Variants in FLT3 observed in about 807,000 individuals in gnomAD.
FLT3 encodes the protein receptor-type tyrosine-protein kinase FLT3.
In FLT3, 46 loss-of-function variants were observed where a neutral mutation model predicts 126.6. The observed-to-expected ratio is 0.36, with a 90% CI of 0.29 to 0.46. The LOEUF (loss-of-function observed/expected upper bound fraction) is 0.46, where lower values mean the gene tolerates loss of function less well. Ranked by LOEUF, FLT3 falls within the 20% of genes least tolerant of loss-of-function variation. FLT3 has a pLI of 1.00. For missense variants in FLT3, 1,069 were observed against 1,190.3 expected (o/e 0.90, Z 1.50); for synonymous variants, 404 against 434.4 (o/e 0.93, Z 0.87).
chr13:28,018,397 A>T (rs1872074279), intron 20 of FLT3, 70 bp downstream of exon 20: 1 of 1,555,240 alleles, frequency 6.4e-7, no homozygotes, highest in East Asian at 2.3e-5. Context: ...CAGTGAGTGC[A>T]GTTGTTTACC....
chr13:28,030,195 T>C (rs1873193882), intron 15 of FLT3, among the ~76,000 whole-genome samples: 1 of 152,188 alleles, frequency 6.6e-6, no homozygotes, highest in African/African-American at 2.4e-5. Flanking sequence ...CTCTCAGGGG[T>C]ATCCTTGTTT....
At chr13:28,041,528 A>AC (rs1370161240) in intron 9 of FLT3, among the ~76,000 whole-genome samples, 1 of 152,184 alleles carries the variant, frequency 6.6e-6, no homozygotes, top group Non-Finnish European at 1.5e-5. Flanking sequence ...AACATTTTTC[A>AC]CTCTTCTGAA....
chr13:28,046,131 C>T (rs1328681278), intron 9 of FLT3, among the ~76,000 whole-genome samples: 2 of 152,094 alleles, frequency 1.3e-5, no homozygotes, highest in African/African-American at 2.4e-5. Context: ...ATGCCAGCAG[C>T]GCCACTGTTG....
At chr13:28,075,654 G>A (rs1262967596) in intron 1 of FLT3, among the ~76,000 whole-genome samples, 2 of 151,780 alleles carry the variant, frequency 1.3e-5, no homozygotes, top group Admixed American at 6.6e-5. Flanking sequence ...CAACCTGGGA[G>A]GTAGAGGTTG....
chr13:28,004,386 G>A lies in FLT3; in HGVS notation c.2860-212C>T, dbSNP rs545105685. On this transcript the variant is annotated intron_variant, in intron 23 of 23. Transcript: ENST00000241453. ...AGTGGTACAACCATAGTTCACCGTG[G>A]CCTTGATGTTCTGGGTTTGAGCAAT... 4.5e-4 allele frequency among the ~76,000 whole-genome samples: 68 copies of A among 152,218 alleles called. No individual in the cohort carries two copies. The South Asian group carries it at 0.012, about 26-fold the overall frequency.
intron 4 of FLT3, among the ~76,000 whole-genome samples, chr13:28,054,849 T>G (rs1566086610): frequency 1.3e-5 from 2 of 152,232 alleles, no homozygotes; most frequent in South Asian, 4.1e-4. Flanking sequence ...AGTTTATCTT[T>G]TAACATGTTT....
chr13:28,067,279 T>A (rs747229394), intron 2 of FLT3, among the ~76,000 whole-genome samples: 1 of 152,180 alleles, frequency 6.6e-6, no homozygotes, highest in Non-Finnish European at 1.5e-5. Flanking sequence ...TGCCTGGGCC[T>A]CCCAAAATGC....
rs1187724734 is a variant in FLT3, at chr13:28,028,251, T to C, written c.1980A>G (p.Ser660=). 3.7e-6 allele frequency: 6 copies of C among 1,608,850 alleles called. No homozygotes were observed. The highest frequency in any genetic ancestry group is 1.1e-5 in the South Asian group (1 of 90,958). Residue 660 remains serine, a synonymous_variant, in exon 16 of 24, where the codon TCA becomes TCG. Transcript: ENST00000241453. The part of the protein sequence containing the change: ...ADSSEREALM[S]ELKMMTQLGS... ...CCAGCTGGGTCATCATCTTGAGTTC[T>C]GACATGAGTGCCTCTCTTTCAGAGC... is the stretch of plus-strand genomic sequence containing the variant.
Position 28,100,134 on chromosome 13 carries a change from C to T in FLT3, c.43+334G>A, listed in dbSNP as rs1477496497. On this transcript the variant is annotated intron_variant, in intron 1 of 23. Transcript: ENST00000241453. This position sits in a 1 kb window ranked among gnomAD's most constrained non-coding sequence, Gnocchi z 4.8. ...AGACTCCCACGGACGGCCCAGCACC[C>T]GAGCGCGCGGGCCGAGCTGCCCCAG... is the stretch of plus-strand genomic sequence containing the variant. Among the ~76,000 whole-genome samples, 1 of 152,116 alleles carries T rather than the reference C, an allele frequency of 6.6e-6. No homozygotes were observed. Among genetic ancestry groups the T allele is most frequent in the African/African-American group, 2.4e-5 (1 of 41,442 alleles).
intron 9 of FLT3, among the ~76,000 whole-genome samples, chr13:28,041,506 G>C (rs1289744949): frequency 6.6e-6 from 1 of 152,228 alleles, no homozygotes; most frequent in African/African-American, 2.4e-5. Flanking sequence ...GTTTAGAAGA[G>C]ATAGCACTTG....
intron 2 of FLT3, among the ~76,000 whole-genome samples, chr13:28,064,539 T>A (rs1876852332): frequency 6.6e-6 from 1 of 151,012 alleles, no homozygotes; most frequent in African/African-American, 2.4e-5. Context: ...ACTACTGTAC[T>A]CCAGCCTGGG....
chr13:28,041,901 C>A (rs958338778), intron 9 of FLT3, among the ~76,000 whole-genome samples: 1 of 152,082 alleles, frequency 6.6e-6, no homozygotes, highest in South Asian at 2.1e-4. Flanking sequence ...GCCTGCAATC[C>A]CAACACTTTG....
In FLT3 at chr13:28,071,319, C is replaced by CT. The variant is rs202221429; in HGVS notation, c.44-708dup. 8.0e-3 allele frequency among the ~76,000 whole-genome samples: 1,213 copies of CT among 151,852 alleles called. 14 individuals are homozygous for CT. The highest frequency in any genetic ancestry group is 0.028 in the African/African-American group (1,159 of 41,444). The stretch of plus-strand genomic sequence containing the variant: ...GCCACTGTGCCCGGCCTGGTATATT[C>CT]TTTTTTTCTCTATGGGTGCTTATAG... On this transcript the variant is annotated intron_variant, in intron 1 of 23. Coordinates refer to ENST00000241453, the MANE Select transcript of FLT3 (RefSeq NM_004119.3).
intron 2 of FLT3, among the ~76,000 whole-genome samples, chr13:28,065,978 A>G (rs1876996986): frequency 6.6e-6 from 1 of 152,014 alleles, no homozygotes; most frequent in Non-Finnish European, 1.5e-5. Flanking sequence ...CTCTAGTAAA[A>G]GAATATATAA....
At position 28,097,982 on chromosome 13, in the gene FLT3, A is replaced by C. The variant is rs1168569771; in HGVS notation, c.43+2486T>G. Reference sequence around the variant, plus strand: ...AACATGTTCCTCTCCTTCAAATGCCACTTAGAAAGCTTCATCATTATTCAT... The same window carrying C: ...AACATGTTCCTCTCCTTCAAATGCCCCTTAGAAAGCTTCATCATTATTCAT... On this transcript the variant is annotated intron_variant, in intron 1 of 23. Transcript: ENST00000241453. Among the ~76,000 whole-genome samples the C allele has an allele frequency of 2.6e-5, 4 of 152,158 alleles. No individual in the cohort carries two copies. In the East Asian group the frequency reaches 7.7e-4, roughly 29 times the overall value.
At chr13:28,038,988 C>T (rs960335883) in intron 9 of FLT3, among the ~76,000 whole-genome samples, 4 of 151,886 alleles carry the variant, frequency 2.6e-5, no homozygotes, top group African/African-American at 9.7e-5. Flanking sequence ...AGGTCTGTGT[C>T]GGTGGGAAAG....
Position 28,048,377 on chromosome 13 carries a change from CA to C in FLT3, c.1102del (p.Cys368ValfsTer66). ...GTAGGCTTTAAACCTGACAGAAAAA[CA>C]AAACTCTTCATATTGGTCAATTTCA... ...DYEIDQYEEFCFSVRFKAYPQ... is the reference protein window; with the variant it reads ...DYEIDQYEEFXFSVRFKAYPQ... On this transcript the variant is annotated frameshift_variant, in exon 9 of 24. Transcript: ENST00000241453. LOFTEE classifies it high-confidence loss of function. 1 of 1,611,824 alleles carries C rather than the reference CA, an allele frequency of 6.2e-7. No homozygotes were observed. The highest frequency in any genetic ancestry group is 8.5e-7 in the Non-Finnish European group (1 of 1,177,980).
chr13:28,007,592 T>C (rs1338380864), intron 23 of FLT3, among the ~76,000 whole-genome samples: 2 of 152,208 alleles, frequency 1.3e-5, no homozygotes, highest in Admixed American at 1.3e-4. Context: ...GCTTTAGTAG[T>C]ATATTTGTAT....
At chr13:28,089,508 A>G (rs1878890592) in intron 1 of FLT3, among the ~76,000 whole-genome samples, 1 of 152,258 alleles carries the variant, frequency 6.6e-6, no homozygotes, top group South Asian at 2.1e-4. Context: ...TATCCATACA[A>G]TAGGATACTA....
Sources: gnomAD v4.1 joint callset for allele counts (sites outside exome capture counted in the v4.1 genomes callset) on GRCh38, gnomAD v4.1.1 for gene constraint, Gnocchi (gnomAD v3.1) non-coding constraint, MANE v1.5 for transcripts, NCBI Gene and HGNC (gene_info 2026-07-23, HGNC 2026-07-21) for gene names.